VRK2: variants seen among roughly 807,000 people sequenced by gnomAD.
VRK2 encodes the protein VRK serine/threonine kinase 2.
A neutral mutation model predicts 57.6 loss-of-function variants in VRK2; 60 were observed. That is an observed-to-expected ratio of 1.04 (90% CI 0.85 to 1.29). The LOEUF (loss-of-function observed/expected upper bound fraction) is 1.29. Among genes scored for constraint, VRK2 ranks in the 50% most tolerant of loss-of-function variants. The pLI is 0.00. For synonymous variants in VRK2, 231 were observed against 199.2 expected, an observed-to-expected ratio of 1.16 and a Z score of -1.35; for missense variants, 705 against 588.1, an observed-to-expected ratio of 1.20 and a Z score of -2.06.
At chr2:58,005,545 G>A (rs994386288) in intron 1 of VRK2, among the ~76,000 whole-genome samples, 2 of 151,706 alleles carry the variant, frequency 1.3e-5, no homozygotes, top group African/African-American at 2.4e-5. Context: ...AAATAAATGA[G>A]GCCTAACTGA....
At chr2:57,997,069 C>G (rs1199848900) in intron 1 of VRK2, among the ~76,000 whole-genome samples, 3 of 151,848 alleles carry the variant, frequency 2.0e-5, no homozygotes, top group Non-Finnish European at 2.9e-5. Context: ...AAAAACCAGA[C>G]AAGAAATTCT....
At chr2:57,945,205 T>C (rs777646503) in intron 1 of VRK2, among the ~76,000 whole-genome samples, 2 of 152,212 alleles carry the variant, frequency 1.3e-5, no homozygotes, top group African/African-American at 2.4e-5. Context: ...AAAAATCTTG[T>C]ATTAAGTTGG....
intron 2 of VRK2, among the ~76,000 whole-genome samples, chr2:58,072,315 G>A (rs1174577867): frequency 6.6e-6 from 1 of 151,922 alleles, no homozygotes; most frequent in Admixed American, 6.6e-5. Flanking sequence ...ATATTGAATA[G>A]AAGTGAGAGG....
chr2:57,960,976 A>C (rs1671740009), intron 1 of VRK2, among the ~76,000 whole-genome samples: 1 of 152,242 alleles, frequency 6.6e-6, no homozygotes, highest in Admixed American at 6.5e-5. Flanking sequence ...ACAAATATGT[A>C]CTGAACAGTT....
intron 1 of VRK2, among the ~76,000 whole-genome samples, chr2:57,922,187 G>A (rs1342908896): frequency 6.6e-6 from 1 of 151,944 alleles, no homozygotes; most frequent in African/African-American, 2.4e-5. Context: ...TCTAAGGATA[G>A]CTGATCCATC....
At chr2:58,137,165 T>TTATATATCATATATATCATATATGATA (rs1400037447) in intron 10 of VRK2, among the ~76,000 whole-genome samples, 2 of 4,898 alleles carry the variant, frequency 4.1e-4, no homozygotes, top group Non-Finnish European at 1.6e-3. Flanking sequence ...TTTATATATA[T>TTATATATCATATATATCATATATGATA]CATATATCAT....
At chr2:57,968,621 T>G (rs1024038037) in intron 1 of VRK2, among the ~76,000 whole-genome samples, 3 of 152,112 alleles carry the variant, frequency 2.0e-5, no homozygotes, top group Non-Finnish European at 2.9e-5. Context: ...AGATTATCGA[T>G]GTTATCAGAG....
intron 1 of VRK2, among the ~76,000 whole-genome samples, chr2:58,019,575 A>G (rs1673687623): frequency 6.6e-6 from 1 of 152,218 alleles, no homozygotes; most frequent in African/African-American, 2.4e-5. Flanking sequence ...CATTCCAGTT[A>G]TTTTAGAATT....
rs12623993 is a variant in VRK2, at chr2:58,026,542, C to A, written c.-333+772C>A. On this transcript the variant is annotated intron_variant, in intron 2 of 15. Transcript: ENST00000417641. ...TAGATGAAGCGTGTCAGTATTGGCA[C>A]GTGTAGCATTTTAAAAGAGTATGGT... Among the ~76,000 whole-genome samples, 41 of 152,086 alleles carry A rather than the reference C, an allele frequency of 2.7e-4. 1 individual carries two copies. In the East Asian group the frequency reaches 7.5e-3, roughly 28 times the overall value.
rs754868989 is a variant in VRK2 at position 58,159,418 on chromosome 2, C to A, written c.1252C>A (p.Gln418Lys). Residue 418 changes from glutamine (Q) to lysine (K), a missense_variant, in exon 13 of 13, where the codon CAA becomes AAA. Gln to Lys is a moderately conservative substitution (Grantham distance 53). Coordinates refer to ENST00000340157, the MANE Select transcript of VRK2 (RefSeq NM_006296.7). ...EPLNEVNSFP[Q>K]KISYTQFPNS... ...TTTGAATGAAGTAAACAGTTTCCCA[C>A]AAAAAATCAGCTATACACAATTCCC... 3.1e-6 allele frequency: 5 copies of A among 1,613,378 alleles called. No homozygotes were observed. The African/African-American group carries it at 5.3e-5, about 17-fold the overall frequency.
At chr2:57,991,916 C>A (rs996534153) in intron 1 of VRK2, among the ~76,000 whole-genome samples, 2 of 150,770 alleles carry the variant, frequency 1.3e-5, no homozygotes, top group African/African-American at 4.9e-5. Context: ...CGAGATCGCG[C>A]CACTGCACTC....
intron 2 of VRK2, among the ~76,000 whole-genome samples, chr2:58,030,205 C>CT (rs1389858984): frequency 6.6e-6 from 1 of 152,046 alleles, no homozygotes; most frequent in African/African-American, 2.4e-5. Context: ...CATATTGCTG[C>CT]TTTTTCCTCA....
Position 58,084,176 on chromosome 2 carries a change from T to A in VRK2, c.186+38T>A, listed in dbSNP as rs752676871. 3 of 1,560,028 alleles carry A rather than the reference T, an allele frequency of 1.9e-6. No homozygotes were observed. In the South Asian group the frequency reaches 3.7e-5, roughly 19 times the overall value. ...CATAGATTTGTATTTCACATATATT[T>A]GACTTTTTCCTTTTCTGCTTTAAGA... On this transcript the variant is annotated intron_variant, in intron 3 of 12. Transcript: ENST00000340157.
intron 10 of VRK2, among the ~76,000 whole-genome samples, chr2:58,137,116 CATA>C (rs1481397822): frequency 4.9e-4 from 32 of 64,940 alleles, no homozygotes; most frequent in African/African-American, 1.6e-3. Context: ...TAACATATAT[CATA>C]TATGTGTATA....
At chr2:58,016,836 C>T (rs1308241857) in intron 1 of VRK2, among the ~76,000 whole-genome samples, 2 of 152,098 alleles carry the variant, frequency 1.3e-5, no homozygotes, top group East Asian at 1.9e-4. Context: ...CCTCAAAAGA[C>T]ATTTGCTTTA....
At chr2:58,046,435 G>C (rs959122539), upstream of VRK2, 2 of 956,452 alleles carry the variant, frequency 2.1e-6, no homozygotes, top group Admixed American at 6.1e-5. Flanking sequence ...GCTCGGTAAG[G>C]ACTAGCCATT....
At chr2:58,084,992 T>C (rs775170142) in intron 4 of VRK2, 42 bp downstream of exon 4, 3 of 1,517,976 alleles carry the variant, frequency 2.0e-6, no homozygotes, top group South Asian at 1.3e-5. Flanking sequence ...ATATATGTGC[T>C]TGCTAAAGTG....
intron 12 of VRK2, among the ~76,000 whole-genome samples, chr2:58,158,979 A>G (rs974960578): frequency 4.6e-5 from 7 of 152,110 alleles, no homozygotes; most frequent in African/African-American, 1.4e-4. Context: ...ATTAATGACC[A>G]AAATATTTCT....
chr2:58,054,970 T>C (rs553147123), intron 2 of VRK2, among the ~76,000 whole-genome samples: 1 of 152,308 alleles, frequency 6.6e-6, no homozygotes, highest in Admixed American at 6.5e-5. Flanking sequence ...CCAGGTAGAT[T>C]TATCTTTTCT....
Sources: gnomAD v4.1 joint callset for allele counts (sites outside exome capture counted in the v4.1 genomes callset) on GRCh38, gnomAD v4.1.1 for gene constraint, MANE v1.5 for transcripts, NCBI Gene and HGNC (gene_info 2026-07-23, HGNC 2026-07-21) for gene names.